Variants in CORO2B observed in about 807,000 individuals in gnomAD.
CORO2B encodes the protein coronin 2B, also known as coronin-2B.
In CORO2B, 26 loss-of-function variants were observed where a neutral mutation model predicts 58.8. The ratio of observed to expected loss-of-function variants is 0.44; its 90% CI spans 0.32 to 0.61. The LOEUF (loss-of-function observed/expected upper bound fraction) is 0.61. CORO2B is among the 20% of genes least tolerant of loss of function. The pLI is 0.04. For missense variants in CORO2B, 460 were observed against 645.1 expected, an observed-to-expected ratio of 0.71 and a Z score of 3.11; for synonymous variants, 242 against 253.8, an observed-to-expected ratio of 0.95 and a Z score of 0.44.
chr15:68,695,336 C>A (rs966899241), intron 3 of CORO2B, 80 bp downstream of exon 3: 3 of 958,740 alleles, frequency 3.1e-6, no homozygotes, highest in African/African-American at 3.2e-5. Context: ...TCCTACCCTC[C>A]CCTCCTCCAC....
intron 2 of CORO2B, among the ~76,000 whole-genome samples, chr15:68,657,599 C>T (rs1901855976): frequency 6.6e-6 from 1 of 150,990 alleles, no homozygotes; most frequent in East Asian, 2.0e-4. Flanking sequence ...TCTATCAATG[C>T]ATTACGCCCC....
intron 2 of CORO2B, 110 bp from the exon 3 acceptor site, chr15:68,695,030 A>G: frequency 1.2e-6 from 1 of 802,706 alleles, no homozygotes; most frequent in Non-Finnish European, 2.1e-6. Flanking sequence ...GTGATTCCTC[A>G]AGGACCTTCC....
At chr15:68,655,584 C>G (rs1901778379) in intron 2 of CORO2B, among the ~76,000 whole-genome samples, 2 of 152,292 alleles carry the variant, frequency 1.3e-5, no homozygotes, top group African/African-American at 4.8e-5. Context: ...AGAATCCTTG[C>G]CCTCAGCCAC....
chr15:68,704,884 C>T (rs911240750), intron 3 of CORO2B, among the ~76,000 whole-genome samples: 16 of 152,272 alleles, frequency 1.1e-4, no homozygotes, highest in African/African-American at 1.9e-4. Flanking sequence ...GTTTGGCAAA[C>T]GCTACTGAGT....
At chr15:68,662,026 A>AAATAAATT (rs1555414693) in intron 2 of CORO2B, among the ~76,000 whole-genome samples, 10 of 149,558 alleles carry the variant, frequency 6.7e-5, no homozygotes, top group South Asian at 6.5e-4. Context: ...ATAAATAAAT[A>AAATAAATT]AATTAATTAA....
At chr15:68,669,226 G>A (rs917019586) in intron 2 of CORO2B, among the ~76,000 whole-genome samples, 4 of 152,102 alleles carry the variant, frequency 2.6e-5, no homozygotes, top group East Asian at 1.9e-4. Flanking sequence ...GACAGGACTC[G>A]GCCTTGAGAA....
chr15:68,649,713 T>C (rs903853955), intron 2 of CORO2B, among the ~76,000 whole-genome samples: 11 of 152,246 alleles, frequency 7.2e-5, no homozygotes, highest in African/African-American at 2.4e-4. Flanking sequence ...CTGAAAAACA[T>C]ATTTTTATTA....
chr15:68,667,390 G>C (rs1046977603), intron 2 of CORO2B, among the ~76,000 whole-genome samples: 1 of 152,194 alleles, frequency 6.6e-6, no homozygotes, highest in Non-Finnish European at 1.5e-5. Flanking sequence ...GGGGTATCGT[G>C]GTCTGTTTTC....
Position 68,656,238 on chromosome 15 carries a change from G to A in CORO2B, c.216+10878G>A, listed in dbSNP as rs562531587. Among the ~76,000 whole-genome samples the A allele has an allele frequency of 6.0e-5, 9 of 150,582 alleles. No homozygotes were observed. In the East Asian group the frequency reaches 1.8e-3, roughly 30 times the overall value. ...CTCTTGACTTGATGGAGGGATGTGG[G>A]AGGAAGAAGGGTTGGTCCCAGCATT... On this transcript the variant is annotated intron_variant, in intron 2 of 11. Transcript: ENST00000261861.
At chr15:68,724,206 A>G (rs968879714) in intron 11 of CORO2B, among the ~76,000 whole-genome samples, 2 of 152,170 alleles carry the variant, frequency 1.3e-5, no homozygotes, top group Non-Finnish European at 2.9e-5. Context: ...TGTCTCAAAA[A>G]CAAACAAATA....
chr15:68,714,424 C>T (rs1346515805), intron 6 of CORO2B, 135 bp from the exon 7 acceptor site: 1 of 703,214 alleles, frequency 1.4e-6, no homozygotes, highest in African/African-American at 1.8e-5. Flanking sequence ...TGCCACCACC[C>T]ATAGGACGGG....
intron 1 of CORO2B, among the ~76,000 whole-genome samples, chr15:68,597,534 C>T (rs545255407): frequency 6.6e-6 from 1 of 151,980 alleles, no homozygotes; most frequent in East Asian, 1.9e-4. Context: ...CATTGTGCCC[C>T]AGGGCCCATG....
chr15:68,597,494 G>A (rs960203779), intron 1 of CORO2B, among the ~76,000 whole-genome samples: 2 of 151,976 alleles, frequency 1.3e-5, no homozygotes, highest in Admixed American at 6.6e-5. Context: ...GTCACACAAC[G>A]GAAATGGAAC....
At chr15:68,688,201 A>T (rs1903051150) in intron 2 of CORO2B, among the ~76,000 whole-genome samples, 2 of 152,204 alleles carry the variant, frequency 1.3e-5, no homozygotes, top group Non-Finnish European at 2.9e-5. Context: ...TTTTGTAATA[A>T]TATCTGTTTT....
chr15:68,527,426 G>T, the CORO2B span, among the ~76,000 whole-genome samples: 1 of 151,656 alleles, frequency 6.6e-6, no homozygotes, highest in Non-Finnish European at 1.5e-5. Context: ...AGTGCAATTT[G>T]TTGGAAGACT....
intron 1 of CORO2B, among the ~76,000 whole-genome samples, chr15:68,636,227 T>G (rs1396837825): frequency 6.6e-6 from 1 of 152,174 alleles, no homozygotes; most frequent in Non-Finnish European, 1.5e-5. Context: ...CAGCATGGAA[T>G]CTGGGGGCCT....
At chr15:68,584,792 C>G (rs1899510746) in intron 1 of CORO2B, among the ~76,000 whole-genome samples, 1 of 152,200 alleles carries the variant, frequency 6.6e-6, no homozygotes, top group Non-Finnish European at 1.5e-5. Flanking sequence ...GGCCCAGGGT[C>G]CTGGAGCACC....
chr15:68,712,376 T>C (rs59346349), intron 5 of CORO2B, among the ~76,000 whole-genome samples: 6,623 of 151,898 alleles, frequency 0.044, 462 homozygotes, highest in African/African-American at 0.15. Context: ...GTACTATAGG[T>C]TGAGCATCCC....
At chr15:68,578,670 TC>T, upstream of CORO2B, among the ~76,000 whole-genome samples, 1 of 151,978 alleles carries the variant, frequency 6.6e-6, no homozygotes, top group East Asian at 1.9e-4. The surrounding 1 kb of genome is among the most constrained non-coding windows in gnomAD (Gnocchi z 4.2). Flanking sequence ...GCCTGTGACT[TC>T]ACCAGCGTCC....
Sources: gnomAD v4.1 joint callset for allele counts (sites outside exome capture counted in the v4.1 genomes callset) on GRCh38, gnomAD v4.1.1 for gene constraint, Gnocchi (gnomAD v3.1) non-coding constraint, MANE v1.5 for transcripts, NCBI Gene and HGNC (gene_info 2026-07-23, HGNC 2026-07-21) for gene names.